The following MTTP variants were observed in gnomAD, a reference collection of about 807,000 sequenced individuals.
MTTP encodes microsomal triglyceride transfer protein.
A neutral mutation model predicts 90.6 loss-of-function variants in MTTP; 49 were observed. The ratio of observed to expected loss-of-function variants is 0.54; its 90% CI spans 0.43 to 0.69. The LOEUF (loss-of-function observed/expected upper bound fraction) is 0.69, where lower values mean the gene tolerates loss of function less well. Ranked by LOEUF, MTTP falls within the 30% of genes least tolerant of loss-of-function variation. The pLI, the probability that MTTP is intolerant of heterozygous loss-of-function variation, is 0.00. For synonymous variants in MTTP, 347 were observed against 384.2 expected, an observed-to-expected ratio of 0.90 and a Z score of 1.13; for missense variants, 945 against 1,067.5, an observed-to-expected ratio of 0.89 and a Z score of 1.60.
intron 1 of MTTP, among the ~76,000 whole-genome samples, chr4:99,581,582 C>T (rs1027116707): frequency 6.6e-6 from 1 of 151,838 alleles, no homozygotes; most frequent in Non-Finnish European, 1.5e-5. Context: ...TACTTGAAAT[C>T]ATGTTCATAT....
chr4:99,608,393 C>T (rs940644446), intron 11 of MTTP, among the ~76,000 whole-genome samples: 5 of 152,054 alleles, frequency 3.3e-5, no homozygotes, highest in African/African-American at 7.2e-5. Flanking sequence ...TGCAGTGAGC[C>T]GAGATCGTGC....
chr4:99,605,984 A>G (rs1170809615), intron 10 of MTTP, among the ~76,000 whole-genome samples: 1 of 152,088 alleles, frequency 6.6e-6, no homozygotes, highest in Non-Finnish European at 1.5e-5. Flanking sequence ...TTATTTTTAA[A>G]AAATTTTTCA....
At position 99,583,656 on chromosome 4, in the gene MTTP, T is replaced by C. The variant is rs377074025; in HGVS notation, c.393+139T>C. The C allele has an allele frequency of 2.8e-5, 30 of 1,058,334 alleles. No individual in the cohort carries two copies. In the African/African-American group the frequency reaches 4.6e-4, roughly 16 times the overall value. The allele number at this position is 1,058,334 out of a possible 1,614,324, so 65.6% of individuals were successfully genotyped here. On this transcript the variant is annotated intron_variant, in intron 3 of 17. Coordinates refer to ENST00000265517, the MANE Select transcript of MTTP (RefSeq NM_001386140.1). ...TTCTTCAAGAACTAAAGAACAGAGG[T>C]TGTAAATTAAATGTTTCCAAACTGA...
intron 5 of MTTP, 66 bp from the exon 6 acceptor site, chr4:99,591,585 A>C: frequency 6.5e-7 from 1 of 1,535,070 alleles, no homozygotes; most frequent in African/African-American, 1.4e-5. Flanking sequence ...ACAGTTTGCT[A>C]TTTGACTTGA....
At chr4:99,606,616 C>G in intron 10 of MTTP, 132 bp from the exon 11 acceptor site, 2 of 846,246 alleles carry the variant, frequency 2.4e-6, no homozygotes, top group Non-Finnish European at 4.0e-6. Flanking sequence ...CACTGTGTGC[C>G]TCAGTCAAGC....
At chr4:99,604,123 G>T (rs1036245385) in intron 10 of MTTP, among the ~76,000 whole-genome samples, 1 of 151,932 alleles carries the variant, frequency 6.6e-6, no homozygotes, top group African/African-American at 2.4e-5. Flanking sequence ...ACTCATCTAC[G>T]TTTTGTCCAA....
At chr4:99,621,897 C>T (rs867058279) in intron 17 of MTTP, among the ~76,000 whole-genome samples, 15 of 152,130 alleles carry the variant, frequency 9.9e-5, no homozygotes, top group African/African-American at 3.4e-4. Context: ...AGCACTGACC[C>T]TTTCATAATA....
chr4:99,578,987 G>A (rs560067980), intron 1 of MTTP, among the ~76,000 whole-genome samples: 21 of 152,266 alleles, frequency 1.4e-4, no homozygotes, highest in African/African-American at 4.3e-4. Flanking sequence ...ATTTGAACCC[G>A]CTATAGAGTC....
At chr4:99,606,697 G>C (rs774144228) in intron 10 of MTTP, 51 bp from the exon 11 acceptor site, 1 of 1,575,784 alleles carries the variant, frequency 6.3e-7, no homozygotes, top group Non-Finnish European at 8.7e-7. Flanking sequence ...TCTCACCCAA[G>C]TCTTCTTCAA....
At position 99,591,228 on chromosome 4, in the gene MTTP, T is replaced by C. The variant is rs2110218273; in HGVS notation, c.502-7T>C. 1 of 1,589,862 alleles carries C rather than the reference T, an allele frequency of 6.3e-7. No individual in the cohort carries two copies. Among genetic ancestry groups the C allele is most frequent in the East Asian group, 2.2e-5 (1 of 44,698 alleles). On this transcript the variant is annotated splice_polypyrimidine_tract_variant and splice_region_variant and intron_variant, in intron 4 of 17. Coordinates refer to ENST00000265517, the MANE Select transcript of MTTP (RefSeq NM_001386140.1). ...CCCAAGCATTATGCCCTTGCCTTTC[T>C]TTTTAGGTAGATATCTCTGGAAATT... is the stretch of plus-strand genomic sequence containing the variant.
intron 3 of MTTP, among the ~76,000 whole-genome samples, chr4:99,589,070 T>TGTTCATGTATATTCATATATATGTTC (rs1560616564): frequency 1.7e-5 from 2 of 120,160 alleles, no homozygotes; most frequent in Admixed American, 9.9e-5. Flanking sequence ...CATATATATA[T>TGTTCATGTATATTCATATATATGTTC]ATATTTTTTT....
intron 8 of MTTP, among the ~76,000 whole-genome samples, chr4:99,598,945 G>A (rs1274330661): frequency 6.6e-6 from 1 of 152,106 alleles, no homozygotes; most frequent in Non-Finnish European, 1.5e-5. Flanking sequence ...TTACAGGCGT[G>A]AGCCACCGCA....
intron 14 of MTTP, among the ~76,000 whole-genome samples, chr4:99,612,712 T>C (rs765446429): frequency 6.6e-6 from 1 of 152,152 alleles, no homozygotes; most frequent in Non-Finnish European, 1.5e-5. Flanking sequence ...CAAAGAGTGG[T>C]TGTGAGGATT....
intron 1 of MTTP, among the ~76,000 whole-genome samples, chr4:99,577,664 A>G (rs866711790): frequency 5.3e-5 from 8 of 151,708 alleles, no homozygotes; most frequent in Non-Finnish European, 1.2e-4. Context: ...AAAAAGGAAA[A>G]TTGAATGGCA....
At chr4:99,606,695 A>C (rs1365794775) in intron 10 of MTTP, 53 bp from the exon 11 acceptor site, 1 of 1,569,684 alleles carries the variant, frequency 6.4e-7, no homozygotes, top group African/African-American at 1.4e-5. Context: ...AGTCTCACCC[A>C]AGTCTTCTTC....
intron 3 of MTTP, among the ~76,000 whole-genome samples, chr4:99,587,773 T>C (rs957101905): frequency 3.9e-5 from 6 of 152,174 alleles, no homozygotes; most frequent in African/African-American, 1.4e-4. Context: ...AATCTAGTTA[T>C]GAACTTCTAA....
chr4:99,621,886 T>C (rs1726241761), intron 17 of MTTP, among the ~76,000 whole-genome samples: 1 of 152,202 alleles, frequency 6.6e-6, no homozygotes, highest in South Asian at 2.1e-4. Context: ...TGAGTCTAGG[T>C]AGCACTGACC....
intron 7 of MTTP, among the ~76,000 whole-genome samples, chr4:99,596,285 G>A (rs899126992): frequency 4.6e-5 from 7 of 152,088 alleles, no homozygotes; most frequent in African/African-American, 1.4e-4. Flanking sequence ...GTCACTGATA[G>A]GATTTCATAA....
chr4:99,576,863 T>TAAAA (rs910374189), intron 1 of MTTP, among the ~76,000 whole-genome samples: 4 of 152,116 alleles, frequency 2.6e-5, no homozygotes, highest in African/African-American at 9.7e-5. Context: ...GAAACATATA[T>TAAAA]AATTTAGGGG....
Sources: gnomAD v4.1 joint callset for allele counts (sites outside exome capture counted in the v4.1 genomes callset) on GRCh38, gnomAD v4.1.1 for gene constraint, MANE v1.5 for transcripts, NCBI Gene and HGNC (gene_info 2026-07-23, HGNC 2026-07-21) for gene names.